HORMAD2: variants seen among roughly 807,000 people sequenced by gnomAD.
HORMAD2 encodes the protein HORMA domain-containing protein 2.
In HORMAD2, 45 loss-of-function variants were observed where a neutral mutation model predicts 38.8. That is an observed-to-expected ratio of 1.16 (90% CI 0.91 to 1.49). HORMAD2 has a LOEUF of 1.49. Ranked by LOEUF, HORMAD2 falls within the 40% of genes most tolerant of loss-of-function variation. The probability of loss-of-function intolerance (pLI) is 0.00; values close to 1 mark genes in which losing one functional copy is unlikely to be tolerated. For missense variants in HORMAD2, 338 were observed against 367.0 expected, an observed-to-expected ratio of 0.92 and a Z score of 0.65; for synonymous variants, 126 against 122.8, an observed-to-expected ratio of 1.03 and a Z score of -0.17.
chr22:30,117,447 T>C (rs972595735), intron 7 of HORMAD2, among the ~76,000 whole-genome samples: 1 of 143,746 alleles, frequency 7.0e-6, no homozygotes, highest in Non-Finnish European at 1.5e-5. Context: ...TTTTAAAATT[T>C]AATTTAGTTA....
At chr22:30,092,327 G>A (rs187845718) in intron 1 of HORMAD2, among the ~76,000 whole-genome samples, 60 of 138,976 alleles carry the variant, frequency 4.3e-4, no homozygotes, top group Admixed American at 9.4e-4. Context: ...TTTGAGAAAT[G>A]TCTATTCAGA....
intron 2 of HORMAD2, among the ~76,000 whole-genome samples, chr22:30,096,953 C>T (rs2068793540): frequency 6.6e-6 from 1 of 151,920 alleles, no homozygotes; most frequent in Non-Finnish European, 1.5e-5. Flanking sequence ...CTTTGTAAGA[C>T]CTATGCTCTT....
chr22:30,131,679 G>A (rs1315318356), intron 10 of HORMAD2, among the ~76,000 whole-genome samples: 1 of 152,094 alleles, frequency 6.6e-6, no homozygotes, highest in African/African-American at 2.4e-5. Context: ...TGCTTTTTAA[G>A]CATATCCCAA....
chr22:30,108,432 A>C (rs1169502538), intron 5 of HORMAD2, among the ~76,000 whole-genome samples: 1 of 152,170 alleles, frequency 6.6e-6, no homozygotes, highest in Non-Finnish European at 1.5e-5. Flanking sequence ...AGAACATGCC[A>C]AGCTCCTTTT....
At chr22:30,191,151 A>G in the HORMAD2 span, among the ~76,000 whole-genome samples, 1 of 152,170 alleles carries the variant, frequency 6.6e-6, no homozygotes. Context: ...CAATTTTCCA[A>G]AAGTTTGGAG....
upstream of HORMAD2, chr22:30,080,184 T>C: frequency 6.6e-6 from 1 of 152,524 alleles, no homozygotes; most frequent in South Asian, 2.1e-4. Context: ...GTTGTATAGG[T>C]GGCCCAGGCT....
At chr22:30,106,211 A>T (rs940334172) in intron 5 of HORMAD2, among the ~76,000 whole-genome samples, 2 of 152,086 alleles carry the variant, frequency 1.3e-5, no homozygotes, top group African/African-American at 4.8e-5. Flanking sequence ...GGGTTTCACC[A>T]TGTTGGCTAG....
intron 10 of HORMAD2, among the ~76,000 whole-genome samples, chr22:30,175,290 AAT>A: frequency 7.1e-6 from 1 of 139,880 alleles, no homozygotes; most frequent in East Asian, 2.0e-4. Context: ...TATAATATAG[AAT>A]ATATATAATA....
chr22:30,085,744 G>A (rs112075185), intron 1 of HORMAD2, among the ~76,000 whole-genome samples: 4 of 152,262 alleles, frequency 2.6e-5, no homozygotes, highest in African/African-American at 7.2e-5. Context: ...CACAGTGAGA[G>A]TCCTTTTCAA....
chr22:30,128,839 G>A (rs937782400), intron 10 of HORMAD2, among the ~76,000 whole-genome samples: 4 of 152,166 alleles, frequency 2.6e-5, no homozygotes, highest in African/African-American at 9.7e-5. Flanking sequence ...TCATGATTTA[G>A]AGGGAAGGTT....
At chr22:30,158,981 GC>G (rs1925278379) in intron 10 of HORMAD2, among the ~76,000 whole-genome samples, 1 of 152,040 alleles carries the variant, frequency 6.6e-6, no homozygotes, top group Admixed American at 6.6e-5. Context: ...CACTGCGCCT[GC>G]CCCTGTAGTG....
the HORMAD2 span, among the ~76,000 whole-genome samples, chr22:30,201,877 G>A: frequency 6.6e-6 from 1 of 152,198 alleles, no homozygotes; most frequent in Non-Finnish European, 1.5e-5. Context: ...TGGCCACACG[G>A]TGAAGGATCT....
chr22:30,202,251 C>G, the HORMAD2 span, among the ~76,000 whole-genome samples: 4 of 152,140 alleles, frequency 2.6e-5, no homozygotes, highest in Non-Finnish European at 1.5e-5. Flanking sequence ...TGCAGTCTAG[C>G]AGGCCCTGAC....
intron 10 of HORMAD2, among the ~76,000 whole-genome samples, chr22:30,174,064 A>C (rs1926280365): frequency 6.6e-6 from 1 of 152,228 alleles, no homozygotes; most frequent in Non-Finnish European, 1.5e-5. Context: ...TTTTTCAGAT[A>C]CATATGTGGA....
chr22:30,183,588 C>T, the HORMAD2 span, among the ~76,000 whole-genome samples: 1 of 152,206 alleles, frequency 6.6e-6, no homozygotes, highest in Non-Finnish European at 1.5e-5. Context: ...ATCTCAATTT[C>T]TGATAAGATA....
chr22:30,173,163 G>A (rs1170599889), intron 10 of HORMAD2, among the ~76,000 whole-genome samples: 1 of 152,314 alleles, frequency 6.6e-6, no homozygotes, highest in Admixed American at 6.5e-5. Context: ...GGTTAAGTGT[G>A]GGGGAAGATG....
the HORMAD2 span, among the ~76,000 whole-genome samples, chr22:30,204,185 C>T: frequency 1.3e-5 from 2 of 152,150 alleles, no homozygotes; most frequent in African/African-American, 4.8e-5. Flanking sequence ...GCCTGGCACC[C>T]AGCTTGACAG....
At chr22:30,078,839 T>C (rs1346652222), upstream of HORMAD2, among the ~76,000 whole-genome samples, 11 of 151,956 alleles carry the variant, frequency 7.2e-5, no homozygotes, top group East Asian at 1.7e-3. Flanking sequence ...GGCTGGTAAA[T>C]GCGGAGGCTG....
chr22:30,098,879 A>G lies in HORMAD2; in HGVS notation c.79A>G (p.Asn27Asp), dbSNP rs367816409. The change falls in exon 3 of 11, where the codon AAT (asparagine) becomes GAT (aspartate). Residue 27 changes from asparagine to aspartate, a missense_variant. By Grantham distance (23) the Asn-to-Asp change is conservative. Transcript: ENST00000336726. ...KETVFPSQITNEHESLKMVKK... is the reference protein window; with the variant it reads ...KETVFPSQITDEHESLKMVKK... ...AACAGTTTTCCCATCCCAAATCACTAATGAGCATGAGTCATTGAAAATGGT... is the reference window on the plus strand; with the variant it reads ...AACAGTTTTCCCATCCCAAATCACTGATGAGCATGAGTCATTGAAAATGGT... 3.7e-6 allele frequency: 6 copies of G among 1,612,228 alleles called. No individual in the cohort carries two copies. Among genetic ancestry groups the G allele is most frequent in the South Asian group, 1.1e-5 (1 of 90,762 alleles).
Sources: gnomAD v4.1 joint callset for allele counts (sites outside exome capture counted in the v4.1 genomes callset) on GRCh38, gnomAD v4.1.1 for gene constraint, MANE v1.5 for transcripts, NCBI Gene and HGNC (gene_info 2026-07-23, HGNC 2026-07-21) for gene names.